The following LIFR variants were observed in gnomAD, a reference collection of about 807,000 sequenced individuals.
The protein encoded by LIFR is LIF receptor subunit alpha, also known as leukemia inhibitory factor receptor.
Under a neutral mutation model 122.2 loss-of-function variants are expected in LIFR, and 84 were observed. That is an observed-to-expected ratio of 0.69 (90% CI 0.58 to 0.82). The LOEUF is 0.82. Ranked by LOEUF, LIFR falls within the 40% of genes least tolerant of loss-of-function variation. The pLI, the probability that LIFR is intolerant of heterozygous loss-of-function variation, is 0.00. For missense variants in LIFR, 1,294 were observed against 1,311.6 expected, an observed-to-expected ratio of 0.99 and a Z score of 0.21; for synonymous variants, 422 against 434.7, an observed-to-expected ratio of 0.97 and a Z score of 0.36.
At chr5:38,596,543 TA>T (rs35167764), upstream of LIFR, among the ~76,000 whole-genome samples, 48,079 of 151,734 alleles carry the variant, frequency 0.32, 8,822 homozygotes, top group Non-Finnish European at 0.41. Flanking sequence ...GCTGCTGGAC[TA>T]GAGACCACAC....
chr5:38,545,783 A>T (rs1300057310), intron 1 of LIFR, among the ~76,000 whole-genome samples: 1 of 150,478 alleles, frequency 6.6e-6, no homozygotes, highest in Non-Finnish European at 1.5e-5. Flanking sequence ...AATGGCGTGA[A>T]CCCGGGAGGT....
chr5:38,546,759 T>C lies in LIFR; in HGVS notation c.-20+9575A>G, dbSNP rs534888237. ...ACAAAAGGCAGGACAGGCCCACTTCTGCCATTTATGTAACGTCCACTGTCC... is the reference window on the plus strand; with the variant it reads ...ACAAAAGGCAGGACAGGCCCACTTCCGCCATTTATGTAACGTCCACTGTCC... On this transcript the variant is annotated intron_variant, in intron 1 of 19. Coordinates refer to ENST00000453190, the MANE Select transcript of LIFR (RefSeq NM_001127671.2). Among the ~76,000 whole-genome samples, 22 of 152,332 alleles carry C rather than the reference T, an allele frequency of 1.4e-4. No homozygotes were observed. The East Asian group carries it at 3.7e-3, about 25-fold the overall frequency.
Position 38,505,897 on chromosome 5 carries a change from C to T in LIFR, c.1291+8G>A. 1 of 1,588,674 alleles carries T rather than the reference C, an allele frequency of 6.3e-7. No homozygotes were observed. The highest frequency in any genetic ancestry group is 8.6e-7 in the Non-Finnish European group (1 of 1,161,702). ...TATTTTTAAGACATTAGTTTATGTA[C>T]AGCTTACCTTTTTCAGTTATATTAA... On this transcript the variant is annotated splice_region_variant and intron_variant, in intron 9 of 19. Coordinates refer to ENST00000453190, the MANE Select transcript of LIFR (RefSeq NM_001127671.2).
At position 38,511,793 on chromosome 5, in the gene LIFR, A is replaced by G. The variant is rs761427388; in HGVS notation, c.733T>C (p.Ser245Pro). Residue 245 changes from serine to proline, a missense_variant, in exon 6 of 20, where the codon TCT becomes CCT. Transcript: ENST00000453190. The part of the protein sequence containing the change: ...WSDWSPVKNI[S>P]WIPDSQTKVF... Reference sequence around the variant, plus strand: ...CATTCTTTAAATATAAGCTTACAAGAAATGTTCTTCACAGGGCTCCAGTCA... The same window carrying G: ...CATTCTTTAAATATAAGCTTACAAGGAATGTTCTTCACAGGGCTCCAGTCA... The G allele has an allele frequency of 6.2e-7, 1 of 1,613,528 alleles. No homozygotes were observed. The highest frequency in any genetic ancestry group is 1.1e-5 in the South Asian group (1 of 91,066).
intron 1 of LIFR, among the ~76,000 whole-genome samples, chr5:38,532,989 T>C (rs1249684304): frequency 6.6e-6 from 1 of 152,212 alleles, no homozygotes; most frequent in Non-Finnish European, 1.5e-5. Context: ...GCAAAGCAAG[T>C]AACAAACGTG....
chr5:38,532,976 G>T (rs1325396557), intron 1 of LIFR, among the ~76,000 whole-genome samples: 1 of 152,204 alleles, frequency 6.6e-6, no homozygotes, highest in African/African-American at 2.4e-5. Context: ...CAAATATGCA[G>T]GGGCAAAGCA....
At chr5:38,505,076 ATAT>A (rs942192132) in intron 9 of LIFR, among the ~76,000 whole-genome samples, 1 of 152,156 alleles carries the variant, frequency 6.6e-6, no homozygotes, top group African/African-American at 2.4e-5. Flanking sequence ...TTGGAGCTAT[ATAT>A]TAATACGATT....
In LIFR at chr5:38,502,732, T is replaced by C. The variant is rs1745252743; in HGVS notation, c.1505A>G (p.Tyr502Cys). 1.2e-6 allele frequency: 2 copies of C among 1,611,010 alleles called. No individual in the cohort carries two copies. The highest frequency in any genetic ancestry group is 1.7e-6 in the Non-Finnish European group (2 of 1,177,346). ...ACGAATCCGAAAAGTATATAGAGTGTATGGATTTAACTTGTCCAGAGCAAC... is the reference window on the plus strand; with the variant it reads ...ACGAATCCGAAAAGTATATAGAGTGCATGGATTTAACTTGTCCAGAGCAAC... ...YLVALDKLNP[Y>C]TLYTFRIRCS... The change falls in exon 11 of 20, where the codon TAC becomes TGC. Residue 502 changes from tyrosine (Y) to cysteine (C), a missense_variant. Tyr to Cys is a radical substitution (Grantham distance 194, BLOSUM62 -2). Transcript: ENST00000453190.
At chr5:38,602,725 TAGAC>T (rs1279525028) in intron 2 of LIFR, among the ~76,000 whole-genome samples, 3 of 152,306 alleles carry the variant, frequency 2.0e-5, no homozygotes, top group African/African-American at 7.2e-5. Context: ...TACAGGTAGT[TAGAC>T]AGGCAAGAGT....
chr5:38,564,735 T>TACACACACAC (rs3047301), intron 1 of LIFR, among the ~76,000 whole-genome samples: 204 of 137,492 alleles, frequency 1.5e-3, no homozygotes, highest in South Asian at 4.9e-3. Context: ...ACACACACAC[T>TACACACACAC]ACACACACAC....
rs1336046365 is a variant in LIFR, at chr5:38,479,130, G to A, written c.*2465C>T. On this transcript the variant is annotated 3_prime_UTR_variant, in exon 20 of 20. Transcript: ENST00000453190. ...TTACTCTCCCTACACACACAGGTTG[G>A]GGGGAGTAGAGGTAATATCCTGGGA... is the stretch of plus-strand genomic sequence containing the variant. The A allele has an allele frequency of 1.0e-5, 2 of 198,302 alleles. No individual in the cohort carries two copies. Among genetic ancestry groups the A allele is most frequent in the Non-Finnish European group, 9.8e-6 (1 of 102,210 alleles). 12.3% of individuals were successfully genotyped at this position (198,302 alleles called of 1,614,324 possible).
intron 1 of LIFR, among the ~76,000 whole-genome samples, chr5:38,582,940 C>A (rs1749635528): frequency 6.6e-6 from 1 of 152,260 alleles, no homozygotes. Flanking sequence ...CGTCCTCCAA[C>A]AGAGTTAAAT....
intron 1 of LIFR, chr5:38,550,162 A>G (rs1250424130): frequency 5.2e-6 from 3 of 580,270 alleles, no homozygotes; most frequent in African/African-American, 4.1e-5. Flanking sequence ...AGTTATAACA[A>G]TTGAAACACC....
chr5:38,575,132 A>G (rs1457355534), intron 1 of LIFR, among the ~76,000 whole-genome samples: 1 of 152,244 alleles, frequency 6.6e-6, no homozygotes, highest in Non-Finnish European at 1.5e-5. Context: ...TCTAAACTTA[A>G]CAACACAGAT....
intron 16 of LIFR, among the ~76,000 whole-genome samples, chr5:38,486,834 A>G (rs1408839181): frequency 6.6e-6 from 1 of 152,216 alleles, no homozygotes; most frequent in Non-Finnish European, 1.5e-5. Flanking sequence ...CATCATTCGT[A>G]TAGAAACATC....
In LIFR at chr5:38,564,747, C is replaced by T. The variant is rs4019228; in HGVS notation, c.-20+30514G>A. On this transcript the variant is annotated intron_variant, in intron 1 of 19. Coordinates refer to the LIFR transcript ENST00000263409. ...TATACACACACACTACACACACACACACACACACACACACACACACACACA... is the reference window on the plus strand; with the variant it reads ...TATACACACACACTACACACACACATACACACACACACACACACACACACA... Among the ~76,000 whole-genome samples, 725 of 146,576 alleles carry T rather than the reference C, an allele frequency of 4.9e-3. 1 individual carries two copies. Among genetic ancestry groups the T allele is most frequent in the Middle Eastern group, 0.014 (4 of 282 alleles).
intron 4 of LIFR, among the ~76,000 whole-genome samples, chr5:38,526,089 T>C (rs1341091206): frequency 6.6e-6 from 1 of 152,232 alleles, no homozygotes; most frequent in Non-Finnish European, 1.5e-5. Flanking sequence ...AAGTTTCCCC[T>C]AAGCTCCCAT....
chr5:38,540,779 TAA>T (rs34580728), intron 1 of LIFR, among the ~76,000 whole-genome samples: 2 of 149,326 alleles, frequency 1.3e-5, no homozygotes, highest in Non-Finnish European at 3.0e-5. Context: ...TAATTCCAAT[TAA>T]AAAAAAAACA....
rs112991564 is a variant in LIFR at position 38,601,710 on chromosome 5, G to A, written n.305+4495C>T. 6.2e-3 allele frequency among the ~76,000 whole-genome samples: 947 copies of A among 152,184 alleles called. 5 individuals carry two copies. Among genetic ancestry groups the A allele is most frequent in the African/African-American group, 0.021 (856 of 41,508 alleles). ...TTCTGCACTTGGCTCACATCTTTGC[G>A]TTTCCTTTTTCACTTTGCTGGGTGA... On this transcript the variant is annotated intron_variant and non_coding_transcript_variant, in intron 2 of 3. Coordinates refer to the LIFR transcript ENST00000507786.
Sources: allele counts gnomAD v4.1 joint callset (sites outside exome capture counted in the v4.1 genomes callset), GRCh38; gene constraint gnomAD v4.1.1; transcripts MANE v1.5; gene names NCBI Gene and HGNC (gene_info 2026-07-23, HGNC 2026-07-21).